Variants in TGFBR3 observed in about 807,000 individuals in gnomAD.
The protein encoded by TGFBR3 is transforming growth factor beta receptor 3.
A neutral mutation model predicts 87.9 loss-of-function variants in TGFBR3; 46 were observed. The observed-to-expected ratio is 0.52, with a 90% confidence interval of 0.41 to 0.67. The LOEUF (loss-of-function observed/expected upper bound fraction) is 0.67, where lower values mean the gene tolerates loss of function less well. Ranked by LOEUF, TGFBR3 falls within the 30% of genes least tolerant of loss-of-function variation. The probability of loss-of-function intolerance (pLI) is 0.00; values close to 1 mark genes in which losing one functional copy is unlikely to be tolerated. For synonymous variants in TGFBR3, 381 were observed against 391.6 expected, an observed-to-expected ratio of 0.97 and a Z score of 0.32; for missense variants, 866 against 1,041.9, an observed-to-expected ratio of 0.83 and a Z score of 2.32.
chr1:91,746,506 T>G (rs1673351764), intron 4 of TGFBR3, among the ~76,000 whole-genome samples: 2 of 152,158 alleles, frequency 1.3e-5, no homozygotes, highest in Non-Finnish European at 2.9e-5. Context: ...AAATGATGTT[T>G]TTCACGAAAA....
intron 4 of TGFBR3, among the ~76,000 whole-genome samples, chr1:91,756,370 A>T (rs1198071426): frequency 6.6e-6 from 1 of 152,192 alleles, no homozygotes; most frequent in Non-Finnish European, 1.5e-5. Flanking sequence ...TATGAGTACG[A>T]AGGCAGACAG....
At chr1:91,798,749 C>CA (rs1468716470) in intron 2 of TGFBR3, among the ~76,000 whole-genome samples, 1 of 152,020 alleles carries the variant, frequency 6.6e-6, no homozygotes, top group East Asian at 1.9e-4. Flanking sequence ...ATGAGATGCT[C>CA]AAAAAACGTT....
chr1:91,720,303 C>T (rs1672321381), intron 8 of TGFBR3, 73 bp from the exon 9 acceptor site: 3 of 1,401,200 alleles, frequency 2.1e-6, no homozygotes, highest in African/African-American at 1.4e-5. Flanking sequence ...ACAGGCAGAA[C>T]AGGAGGAATT....
At chr1:91,694,075 C>T (rs898923617) in intron 16 of TGFBR3, among the ~76,000 whole-genome samples, 4 of 152,118 alleles carry the variant, frequency 2.6e-5, no homozygotes, top group Non-Finnish European at 5.9e-5. Context: ...CATCACAGCT[C>T]ACTTCAGCCT....
intron 2 of TGFBR3, 40 bp downstream of exon 2, chr1:91,861,431 A>G (rs779124784): frequency 2.4e-5 from 35 of 1,488,436 alleles, no homozygotes; most frequent in Non-Finnish European, 2.9e-5. Flanking sequence ...ATATATCCAA[A>G]AATATATAAC....
At chr1:91,760,281 C>T (rs895284626) in intron 3 of TGFBR3, among the ~76,000 whole-genome samples, 26 of 152,066 alleles carry the variant, frequency 1.7e-4, no homozygotes, top group Admixed American at 3.9e-4. Flanking sequence ...ATAAATTAGC[C>T]GGGCATAGTA....
At chr1:91,896,680 A>G (rs1406116464) in intron 2 of TGFBR3, among the ~76,000 whole-genome samples, 1 of 152,218 alleles carries the variant, frequency 6.6e-6, no homozygotes, top group Admixed American at 6.5e-5. Context: ...AGGAGTAGAA[A>G]TAATGTATAA....
intron 4 of TGFBR3, among the ~76,000 whole-genome samples, chr1:91,742,885 C>T (rs1249531681): frequency 1.3e-5 from 2 of 152,140 alleles, no homozygotes; most frequent in Non-Finnish European, 1.5e-5. Context: ...ACTCTATCTG[C>T]CAATTGCTGG....
rs11466576 is a variant in TGFBR3, at chr1:91,758,058, G to T, written c.384+555C>A. On this transcript the variant is annotated intron_variant, in intron 4 of 16. Transcript: ENST00000212355. ...ACTTGAATGTTCTGGCAAACTCAAA[G>T]GGACATGATTTACAAATAGTAGGTA... 4.3e-3 allele frequency among the ~76,000 whole-genome samples: 648 copies of T among 152,266 alleles called. 5 individuals carry two copies. Among genetic ancestry groups the T allele is most frequent in the African/African-American group, 0.015 (626 of 41,552 alleles).
At chr1:91,744,213 T>A (rs1052639716) in intron 4 of TGFBR3, among the ~76,000 whole-genome samples, 3 of 151,496 alleles carry the variant, frequency 2.0e-5, no homozygotes, top group African/African-American at 7.3e-5. Context: ...GCCTCCCGAG[T>A]AGCTGGGATT....
intron 2 of TGFBR3, among the ~76,000 whole-genome samples, chr1:91,801,677 C>T (rs1675633386): frequency 6.6e-6 from 1 of 152,118 alleles, no homozygotes; most frequent in Admixed American, 6.5e-5. Flanking sequence ...ATGGTTTCAA[C>T]ATCTCTACAT....
intron 2 of TGFBR3, among the ~76,000 whole-genome samples, chr1:91,857,845 C>T (rs1678020846): frequency 6.6e-6 from 1 of 152,210 alleles, no homozygotes; most frequent in African/African-American, 2.4e-5. Context: ...GTGACTACTA[C>T]TGTGCTTTGT....
Position 91,695,784 on chromosome 1 carries a change from A to G in TGFBR3, c.2330-5T>C. Reference sequence around the variant, plus strand: ...TGTCCAGACCATGGAAAATTGCTATAAAGGAGAGAAACCGATACACACAAC... The same window carrying G: ...TGTCCAGACCATGGAAAATTGCTATGAAGGAGAGAAACCGATACACACAAC... On this transcript the variant is annotated splice_polypyrimidine_tract_variant and splice_region_variant and intron_variant, in intron 15 of 16. Coordinates refer to ENST00000212355, the MANE Select transcript of TGFBR3 (RefSeq NM_003243.5). 6.2e-7 allele frequency: 1 copy of G among 1,613,416 alleles called. No homozygotes were observed. Among genetic ancestry groups the G allele is most frequent in the Non-Finnish European group, 8.5e-7 (1 of 1,179,332 alleles).
At chr1:91,704,284 C>T (rs1414977036) in intron 14 of TGFBR3, among the ~76,000 whole-genome samples, 2 of 148,710 alleles carry the variant, frequency 1.3e-5, no homozygotes, top group Non-Finnish European at 3.0e-5. Flanking sequence ...GCCGAGATTG[C>T]GCCACTGCAC....
intron 3 of TGFBR3, among the ~76,000 whole-genome samples, chr1:91,783,951 T>C (rs1034300593): frequency 6.6e-6 from 1 of 152,178 alleles, no homozygotes; most frequent in Admixed American, 6.5e-5. Context: ...TCATTCTCAA[T>C]GGCCCAACTT....
chr1:91,711,705 T>C (rs186246073), intron 13 of TGFBR3, among the ~76,000 whole-genome samples: 4 of 152,332 alleles, frequency 2.6e-5, no homozygotes, highest in Middle Eastern at 3.4e-3. Flanking sequence ...GTTCTGCTTT[T>C]TGTTATGGCA....
At chr1:91,874,472 G>A (rs1234122044) in intron 1 of TGFBR3, among the ~76,000 whole-genome samples, 1 of 152,086 alleles carries the variant, frequency 6.6e-6, no homozygotes, top group Non-Finnish European at 1.5e-5. Context: ...AAGAATTCTG[G>A]CTTTTATTCT....
chr1:91,720,079 G>A lies in TGFBR3; in HGVS notation c.1227C>T (p.Ser409=). 1 of 1,614,122 alleles carries A rather than the reference G, an allele frequency of 6.2e-7. No homozygotes were observed. Among genetic ancestry groups the A allele is most frequent in the South Asian group, 1.1e-5 (1 of 91,086 alleles). ...GGLPFPFPDI[S]RRVWNEEGED... is the part of the protein sequence containing the mutation. ...CTCCCTCTTCATTCCAGACTCTCCTGGAAATATCTGGGAAAGGAAACGGAA... is the reference window on the plus strand; with the variant it reads ...CTCCCTCTTCATTCCAGACTCTCCTAGAAATATCTGGGAAAGGAAACGGAA... Residue 409 remains serine (S), a synonymous_variant, in exon 9 of 17, where the codon TCC becomes TCT. Coordinates refer to ENST00000212355, the MANE Select transcript of TGFBR3 (RefSeq NM_003243.5).
intron 7 of TGFBR3, 141 bp downstream of exon 7, chr1:91,727,518 G>A: frequency 9.6e-7 from 1 of 1,043,376 alleles, no homozygotes; most frequent in Non-Finnish European, 1.4e-6. Flanking sequence ...ATAGGAGCAT[G>A]CTATTTTGCA....
Sources: allele counts gnomAD v4.1 joint callset (sites outside exome capture counted in the v4.1 genomes callset), GRCh38; gene constraint gnomAD v4.1.1; transcripts MANE v1.5; gene names NCBI Gene and HGNC (gene_info 2026-07-23, HGNC 2026-07-21).